SLC7A5: variants seen among roughly 807,000 people sequenced by gnomAD.
SLC7A5 encodes large neutral amino acids transporter small subunit 1.
A neutral mutation model predicts 50.2 loss-of-function variants in SLC7A5; 23 were observed. The observed-to-expected ratio is 0.46, with a 90% CI of 0.33 to 0.65. The LOEUF (loss-of-function observed/expected upper bound fraction) is 0.65, where lower values mean the gene tolerates loss of function less well. Ranked by LOEUF, SLC7A5 falls within the 30% of genes least tolerant of loss-of-function variation. SLC7A5 has a pLI of 0.02. For missense variants in SLC7A5, 578 were observed against 684.4 expected (o/e 0.84, Z 1.73); for synonymous variants, 393 against 330.6 (o/e 1.19, Z -2.05).
chr16:87,840,310 A>T (rs576188933), intron 4 of SLC7A5, 119 bp downstream of exon 4: 10 of 924,064 alleles, frequency 1.1e-5, no homozygotes, highest in Non-Finnish European at 1.8e-5. Context: ...AGAGGCCCCA[A>T]TCACGGCCCG....
At chr16:87,868,549 CA>C (rs1236106138) in intron 1 of SLC7A5, among the ~76,000 whole-genome samples, 1 of 152,212 alleles carries the variant, frequency 6.6e-6, no homozygotes, top group Non-Finnish European at 1.5e-5. Flanking sequence ...ACGTGGGTGC[CA>C]CGCAAGAGGC....
In SLC7A5 at chr16:87,851,664, T is replaced by C; in HGVS notation, c.664+60A>G. ...CCCGGGGACGGGACCTCATGCCCTG[T>C]GAAGGACACACAGGCAAAGCCTCGA... On this transcript the variant is annotated intron_variant, in intron 2 of 9. Coordinates refer to ENST00000261622, the MANE Select transcript of SLC7A5 (RefSeq NM_003486.7). The C allele has an allele frequency of 8.2e-6, 13 of 1,590,724 alleles. No individual in the cohort carries two copies. The South Asian group carries it at 1.3e-4, about 16-fold the overall frequency.
chr16:87,862,967 C>T lies in SLC7A5; in HGVS notation c.538+5918G>A, dbSNP rs866835775. The stretch of plus-strand genomic sequence containing the variant: ...ATGAGGCCAGGTGTCCTCAGCCACC[C>T]GCAGCCAGAGTCCCGCGAGACCGAC... On this transcript the variant is annotated intron_variant, in intron 1 of 9. Transcript: ENST00000261622. This position sits in a 1 kb window ranked among gnomAD's most constrained non-coding sequence, Gnocchi z 5.3. Among the ~76,000 whole-genome samples the T allele has an allele frequency of 1.1e-4, 16 of 152,334 alleles. No homozygotes were observed. Among genetic ancestry groups the T allele is most frequent in the East Asian group, 1.9e-4 (1 of 5,182 alleles).
At chr16:87,848,335 C>T (rs1035183228) in intron 2 of SLC7A5, among the ~76,000 whole-genome samples, 28 of 152,368 alleles carry the variant, frequency 1.8e-4, no homozygotes, top group African/African-American at 6.3e-4. Context: ...CCAGGAGGGA[C>T]GTGCTGCTGC....
At chr16:87,848,780 C>T (rs2055184338) in intron 2 of SLC7A5, among the ~76,000 whole-genome samples, 1 of 152,236 alleles carries the variant, frequency 6.6e-6, no homozygotes, top group Admixed American at 6.5e-5. Context: ...GCTCTCAGGT[C>T]CCCCCATGAG....
intron 1 of SLC7A5, chr16:87,863,520 A>G (rs968893948): frequency 6.6e-6 from 1 of 152,186 alleles, no homozygotes; most frequent in Non-Finnish European, 1.5e-5. Flanking sequence ...AAATAACCAC[A>G]CAACCCTACT....
At chr16:87,843,721 C>T (rs112626761) in intron 2 of SLC7A5, among the ~76,000 whole-genome samples, 13 of 152,264 alleles carry the variant, frequency 8.5e-5, no homozygotes, top group African/African-American at 1.7e-4. Flanking sequence ...GCTACTGGCA[C>T]GGAGCAGGAG....
rs769127292 is a variant in SLC7A5 at position 87,837,889 on chromosome 16, T to A, written c.1096A>T (p.Ile366Phe). The change falls in exon 7 of 10, where the codon ATC (isoleucine) becomes TTC (phenylalanine). Residue 366 changes from isoleucine to phenylalanine, a missense_variant. Ile to Phe is a conservative substitution (Grantham distance 21). Around this residue, in one of 2 missense-constraint regions of SLC7A5, gnomAD observed 465 missense variants for 594.6 expected, o/e 0.78. Transcript: ENST00000261622. Reference sequence around the variant, plus strand: ...ACGGGGGTGAGGAGCTGTGGGTGGATCATGGAGAGGATGGAGGGCAGGTGG... The same window carrying A: ...ACGGGGGTGAGGAGCTGTGGGTGGAACATGGAGAGGATGGAGGGCAGGTGG... ...EGHLPSILSM[I>F]HPQLLTPVPS... 1 of 1,608,514 alleles carries A rather than the reference T, an allele frequency of 6.2e-7. No individual in the cohort carries two copies. The highest frequency in any genetic ancestry group is 1.7e-5 in the Admixed American group (1 of 59,250).
intron 1 of SLC7A5, chr16:87,854,074 C>T (rs867244537): frequency 2.4e-5 from 2 of 83,844 alleles, no homozygotes; most frequent in African/African-American, 7.2e-5. Flanking sequence ...ACCCCCCCGC[C>T]CCCCCCCCCA....
At chr16:87,838,586 C>A (rs1353069545) in intron 6 of SLC7A5, 128 bp downstream of exon 6, 2 of 773,004 alleles carry the variant, frequency 2.6e-6, no homozygotes, top group Admixed American at 1.9e-5. Flanking sequence ...AGCCACCATG[C>A]CTGGCCTATT....
chr16:87,837,621 C>T (rs1209686224), intron 7 of SLC7A5: 11 of 540,652 alleles, frequency 2.0e-5, no homozygotes, highest in African/African-American at 9.5e-5. Flanking sequence ...CCCGCATTTC[C>T]GATGGTCTGA....
At chr16:87,845,498 CCCAGAGTCCATGCCCACT>C (rs1221341460) in intron 2 of SLC7A5, among the ~76,000 whole-genome samples, 1 of 71,252 alleles carries the variant, frequency 1.4e-5, no homozygotes, top group African/African-American at 1.1e-4. Flanking sequence ...CCACGCCCAC[CCCAGAGTCCATGCCCACT>C]CCAGGCAGAG....
At chr16:87,867,200 G>A (rs113573329) in intron 1 of SLC7A5, among the ~76,000 whole-genome samples, 15,454 of 152,278 alleles carry the variant, frequency 0.1, 916 homozygotes, top group African/African-American at 0.15. Context: ...GATTATAGGC[G>A]TGGGCCATCA....
Position 87,869,161 on chromosome 16 carries a change from C to T in SLC7A5, c.262G>A (p.Val88Met). 1.9e-6 allele frequency: 3 copies of T among 1,612,118 alleles called. No individual in the cohort carries two copies. The highest frequency in any genetic ancestry group is 1.7e-6 in the Non-Finnish European group (2 of 1,179,722). The change falls in exon 1 of 10, where the codon GTG becomes ATG. Residue 88 changes from valine (V) to methionine (M), a missense_variant. Transcript: ENST00000261622. ...EAGSPGLALVVWAACGVFSIV... is the reference protein window; with the variant it reads ...EAGSPGLALVMWAACGVFSIV... ...GAGAAGACGCCGCACGCGGCCCACACCACCAGCGCCAGCCCCGGCGAGCCT... is the reference window on the plus strand; with the variant it reads ...GAGAAGACGCCGCACGCGGCCCACATCACCAGCGCCAGCCCCGGCGAGCCT...
At chr16:87,850,850 T>C (rs2055213166) in intron 2 of SLC7A5, among the ~76,000 whole-genome samples, 1 of 152,138 alleles carries the variant, frequency 6.6e-6, no homozygotes, top group African/African-American at 2.4e-5. Flanking sequence ...GGGTGGAGGC[T>C]CTGCAGGCAG....
chr16:87,855,580 T>C (rs1293065850), intron 1 of SLC7A5, among the ~76,000 whole-genome samples: 1 of 152,018 alleles, frequency 6.6e-6, no homozygotes, highest in Non-Finnish European at 1.5e-5. Flanking sequence ...CTGATGCCCG[T>C]GAACGCTCAC....
Position 87,869,033 on chromosome 16 carries a change from G to A in SLC7A5, c.390C>T (p.Phe130=). 2 of 1,611,722 alleles carry A rather than the reference G, an allele frequency of 1.2e-6. No individual in the cohort carries two copies. Among genetic ancestry groups the A allele is most frequent in the Non-Finnish European group, 8.5e-7 (1 of 1,179,816 alleles). ...TGAGCAGCTCGATCCAGAGCTTGAG[G>A]AAGGCGGGCAGCGAGCCGTAGACCT... is the stretch of plus-strand genomic sequence containing the variant. The part of the protein sequence containing the change: ...MLEVYGSLPA[F]LKLWIELLII... Residue 130 remains phenylalanine, a synonymous_variant, in exon 1 of 10, where the codon TTC becomes TTT. Coordinates refer to ENST00000261622, the MANE Select transcript of SLC7A5 (RefSeq NM_003486.7).
rs2055268827 is a variant in SLC7A5 at position 87,853,673 on chromosome 16, A to G, written c.539-1824T>C. 6.6e-6 allele frequency among the ~76,000 whole-genome samples: 1 copy of G among 152,178 alleles called. No individual in the cohort carries two copies. Among genetic ancestry groups the G allele is most frequent in the African/African-American group, 2.4e-5 (1 of 41,442 alleles). On this transcript the variant is annotated intron_variant, in intron 1 of 9. Transcript: ENST00000261622. The surrounding 1 kb of genome is among the most constrained non-coding windows in gnomAD (Gnocchi z 4.4). ...TATGGTTGGGGGGAGCACGACCATAAAAGAAACTGAGCCTCGGGGACCTAG... is the reference window on the plus strand; with the variant it reads ...TATGGTTGGGGGGAGCACGACCATAGAAGAAACTGAGCCTCGGGGACCTAG...
chr16:87,842,304 G>A (rs913638939), intron 2 of SLC7A5, among the ~76,000 whole-genome samples: 2 of 152,204 alleles, frequency 1.3e-5, no homozygotes, highest in Non-Finnish European at 2.9e-5. Context: ...ACGGGCCCTG[G>A]GGCTGCTGTG....
Sources: allele counts gnomAD v4.1 joint callset (sites outside exome capture counted in the v4.1 genomes callset), GRCh38; gene constraint gnomAD v4.1.1; regional missense constraint gnomAD v4.1.1; non-coding constraint Gnocchi (gnomAD v3.1); transcripts MANE v1.5; gene names NCBI Gene and HGNC (gene_info 2026-07-23, HGNC 2026-07-21).